DCAF6: variants seen among roughly 807,000 people sequenced by gnomAD.
DCAF6 encodes the protein DDB1- and CUL4-associated factor 6.
A neutral mutation model predicts 125.1 loss-of-function variants in DCAF6; 54 were observed. The observed-to-expected ratio is 0.43, with a 90% CI of 0.35 to 0.54. DCAF6 has a LOEUF of 0.54. Ranked by LOEUF, DCAF6 falls within the 20% of genes least tolerant of loss-of-function variation. The pLI is 0.01. For synonymous variants in DCAF6, 371 were observed against 390.4 expected (o/e 0.95, Z 0.58); for missense variants, 934 against 1,161.7 (o/e 0.80, Z 2.85).
the DCAF6 span, among the ~76,000 whole-genome samples, chr1:167,919,131 A>C: frequency 1.3e-5 from 2 of 152,224 alleles, no homozygotes; most frequent in African/African-American, 4.8e-5. Flanking sequence ...AAAGTAAAAT[A>C]TACTTCTAAC....
At chr1:167,935,185 T>TA (rs1287290100), upstream of DCAF6, among the ~76,000 whole-genome samples, 2 of 152,192 alleles carry the variant, frequency 1.3e-5, no homozygotes, top group South Asian at 4.2e-4. Context: ...AGGATAGACT[T>TA]AAAAAAACAC....
chr1:167,987,982 A>G (rs1267305387), intron 5 of DCAF6, among the ~76,000 whole-genome samples: 3 of 146,574 alleles, frequency 2.0e-5, no homozygotes, highest in Admixed American at 6.6e-5. Flanking sequence ...TAGCAGTTAT[A>G]AAAGCTTGTG....
Position 168,057,656 on chromosome 1 carries a change from C to A in DCAF6, c.2301-5965C>A, listed in dbSNP as rs375037741. Reference sequence around the variant, plus strand: ...ATAATGATAACACAACGCCTACCCTCCTTGAGCTCTCAGTTCAGTGGGATA... The same window carrying A: ...ATAATGATAACACAACGCCTACCCTACTTGAGCTCTCAGTTCAGTGGGATA... On this transcript the variant is annotated intron_variant, in intron 17 of 21. Coordinates refer to ENST00000367840, the MANE Select transcript of DCAF6 (RefSeq NM_001198956.2). Among the ~76,000 whole-genome samples the A allele has an allele frequency of 7.6e-4, 116 of 152,262 alleles. 1 individual carries two copies. The South Asian group carries it at 0.022, about 29-fold the overall frequency.
At chr1:168,012,214 C>A (rs1015875259) in intron 10 of DCAF6, among the ~76,000 whole-genome samples, 2 of 152,118 alleles carry the variant, frequency 1.3e-5, no homozygotes, top group Admixed American at 1.3e-4. Context: ...GAGTCCAGGA[C>A]AAAAATACTG....
chr1:168,053,577 C>T (rs74932916), intron 17 of DCAF6, among the ~76,000 whole-genome samples: 2,828 of 152,312 alleles, frequency 0.019, 78 homozygotes, highest in African/African-American at 0.064. Context: ...AATCCAGGCT[C>T]AGTGTTCCAA....
chr1:167,954,103 T>C (rs1436225321), intron 2 of DCAF6, among the ~76,000 whole-genome samples: 1 of 152,016 alleles, frequency 6.6e-6, no homozygotes, highest in Non-Finnish European at 1.5e-5. Context: ...ACCTCCTGGG[T>C]TCAAGTGATT....
At chr1:167,894,086 G>A in the DCAF6 span, 2 of 684,888 alleles carry the variant, frequency 2.9e-6, no homozygotes, top group Admixed American at 2.1e-5. Context: ...ACACCTAGGG[G>A]CTGAAAGGGC....
intron 4 of DCAF6, among the ~76,000 whole-genome samples, chr1:167,980,226 G>A (rs1268986061): frequency 6.6e-6 from 1 of 152,082 alleles, no homozygotes; most frequent in African/African-American, 2.4e-5. Context: ...ATCTAGTGAT[G>A]GATATTTAGG....
At chr1:167,895,034 T>C in the DCAF6 span, among the ~76,000 whole-genome samples, 3 of 151,894 alleles carry the variant, frequency 2.0e-5, no homozygotes, top group East Asian at 5.8e-4. Context: ...ATACAAAAAT[T>C]AGCTGGGTGT....
intron 3 of DCAF6, 43 bp downstream of exon 3, chr1:167,966,764 A>G: frequency 8.3e-7 from 1 of 1,199,328 alleles, no homozygotes; most frequent in Non-Finnish European, 1.2e-6. Flanking sequence ...AGAGAAAAAA[A>G]ATCAAGAAGG....
intron 12 of DCAF6, among the ~76,000 whole-genome samples, chr1:168,035,200 C>T (rs1253971859): frequency 6.6e-6 from 1 of 152,170 alleles, no homozygotes; most frequent in East Asian, 1.9e-4. Context: ...ACTCCCAGCA[C>T]TTTGAGAGGC....
At chr1:167,867,695 C>T in the DCAF6 span, among the ~76,000 whole-genome samples, 1 of 152,060 alleles carries the variant, frequency 6.6e-6, no homozygotes, top group African/African-American at 2.4e-5. Flanking sequence ...AAAGAGGGAT[C>T]CCCAAGCATG....
At chr1:167,893,247 T>C in the DCAF6 span, among the ~76,000 whole-genome samples, 1 of 152,214 alleles carries the variant, frequency 6.6e-6, no homozygotes, top group African/African-American at 2.4e-5. Context: ...ATGTGGCATA[T>C]AGAAAGGGTG....
the DCAF6 span, among the ~76,000 whole-genome samples, chr1:167,908,194 A>T: frequency 6.6e-6 from 1 of 152,230 alleles, no homozygotes; most frequent in African/African-American, 2.4e-5. Flanking sequence ...ACATTGGATA[A>T]TGTATACAAT....
chr1:168,034,851 T>C (rs978484141), intron 12 of DCAF6, among the ~76,000 whole-genome samples: 1 of 152,236 alleles, frequency 6.6e-6, no homozygotes, highest in Non-Finnish European at 1.5e-5. Context: ...ATGTGTTTGC[T>C]GATCCAACCT....
intron 10 of DCAF6, among the ~76,000 whole-genome samples, chr1:168,011,032 G>A (rs1247618021): frequency 6.6e-6 from 1 of 151,742 alleles, no homozygotes; most frequent in Non-Finnish European, 1.5e-5. Context: ...TTCACCTTTA[G>A]GGCTCATATT....
At chr1:167,884,947 T>G in the DCAF6 span, among the ~76,000 whole-genome samples, 4 of 152,064 alleles carry the variant, frequency 2.6e-5, no homozygotes, top group Admixed American at 2.0e-4. Flanking sequence ...CTGCCTGCCT[T>G]GGCCTCCCAA....
Position 167,978,599 on chromosome 1 carries a change from G to GA in DCAF6, c.438+3590dup, listed in dbSNP as rs199899920. 8.8e-3 allele frequency among the ~76,000 whole-genome samples: 1,337 copies of GA among 152,028 alleles called. 14 individuals carry two copies. The highest frequency in any genetic ancestry group is 0.058 in the East Asian group (299 of 5,184). On this transcript the variant is annotated intron_variant, in intron 4 of 21. Coordinates refer to ENST00000367840, the MANE Select transcript of DCAF6 (RefSeq NM_001198956.2). ...TTATTATTAATTTATAGGAGTTTTT[G>GA]AAAAAATATCTTCTGCATATGAGCC...
At chr1:168,063,274 T>A (rs76024048) in intron 17 of DCAF6, among the ~76,000 whole-genome samples, 1 of 152,198 alleles carries the variant, frequency 6.6e-6, no homozygotes, top group Admixed American at 6.5e-5. Flanking sequence ...GGAAAGAACA[T>A]TGGATAAAAT....
Sources: allele counts gnomAD v4.1 joint callset (sites outside exome capture counted in the v4.1 genomes callset), GRCh38; gene constraint gnomAD v4.1.1; transcripts MANE v1.5; gene names NCBI Gene and HGNC (gene_info 2026-07-23, HGNC 2026-07-21).